Variants in DDX52 observed in about 807,000 individuals in gnomAD.
DDX52 encodes probable ATP-dependent RNA helicase DDX52.
DDX52 carries 59 observed loss-of-function variants against 76.1 expected under a neutral mutation model. The observed-to-expected ratio is 0.78, with a 90% CI of 0.63 to 0.96. The LOEUF is 0.96. Ranked by LOEUF, DDX52 falls within the 40% of genes least tolerant of loss-of-function variation. DDX52 has a pLI of 0.00. For synonymous variants in DDX52, 231 were observed against 244.1 expected (o/e 0.95, Z 0.50); for missense variants, 707 against 703.9 (o/e 1.00, Z -0.05).
At chr17:37,630,781 AC>A (rs1449939045) in intron 4 of DDX52, 1 of 152,308 alleles carries the variant, frequency 6.6e-6, no homozygotes, top group Non-Finnish European at 1.5e-5. Flanking sequence ...AGCTGGGATT[AC>A]AGGCACACGC....
At chr17:37,618,409 A>G (rs1224164197) in intron 13 of DDX52, 25 bp from the exon 14 acceptor site, 1 of 1,553,606 alleles carries the variant, frequency 6.4e-7, no homozygotes, top group Non-Finnish European at 8.7e-7. Context: ...GTAAAAAAGG[A>G]AAAGAATTAA....
chr17:37,617,979 G>C (rs1213078855), intron 14 of DDX52, among the ~76,000 whole-genome samples: 2 of 152,070 alleles, frequency 1.3e-5, no homozygotes, highest in African/African-American at 4.8e-5. Context: ...GCTGGGTGTG[G>C]TGGCGGGAGC....
chr17:37,632,465 CTT>C (rs1035490587), intron 3 of DDX52, among the ~76,000 whole-genome samples, 167 bp from the exon 4 acceptor site: 5 of 152,148 alleles, frequency 3.3e-5, no homozygotes, highest in African/African-American at 1.2e-4. Context: ...ATTTCATGCC[CTT>C]TCATAGAAAA....
intron 2 of DDX52, among the ~76,000 whole-genome samples, chr17:37,636,482 CTA>C (rs1170689635): frequency 1.3e-5 from 2 of 152,098 alleles, no homozygotes; most frequent in Non-Finnish European, 2.9e-5. Flanking sequence ...TATGAAGAAA[CTA>C]TGCAAAAATT....
At chr17:37,619,622 G>A (rs2029972128) in intron 13 of DDX52, 146 bp downstream of exon 13, 1 of 633,366 alleles carries the variant, frequency 1.6e-6, no homozygotes, top group Non-Finnish European at 2.7e-6. Context: ...TGAGGCAGGA[G>A]GATCACTTGA....
Position 37,643,434 on chromosome 17 carries a change from G to A in DDX52, c.-14C>T, listed in dbSNP as rs375392614. On this transcript the variant is annotated 5_prime_UTR_variant, in exon 1 of 15. Coordinates refer to ENST00000617633, the MANE Select transcript of DDX52 (RefSeq NM_007010.5). ...GTGGACGTCCATCTTTACCCAGAAAGCGCCACAGTTCTACGGCGCCTGCGC... is the reference window on the plus strand; with the variant it reads ...GTGGACGTCCATCTTTACCCAGAAAACGCCACAGTTCTACGGCGCCTGCGC... The A allele has an allele frequency of 8.7e-6, 14 of 1,613,378 alleles. No individual in the cohort carries two copies. In the African/African-American group the frequency reaches 1.2e-4, roughly 14 times the overall value.
intron 2 of DDX52, among the ~76,000 whole-genome samples, chr17:37,636,990 G>C (rs182544009): frequency 6.6e-6 from 1 of 151,932 alleles, no homozygotes; most frequent in Non-Finnish European, 1.5e-5. Flanking sequence ...TTCAAGATAG[G>C]GTTTTGTTCT....
chr17:37,643,138 T>C, intron 1 of DDX52, 196 bp downstream of exon 1: 1 of 524,324 alleles, frequency 1.9e-6, no homozygotes, highest in East Asian at 3.3e-5. Context: ...AACAGGATAG[T>C]TAAAGAGCTT....
chr17:37,619,682 A>C, intron 13 of DDX52, 86 bp downstream of exon 13: 1 of 1,195,892 alleles, frequency 8.4e-7, no homozygotes, highest in Non-Finnish European at 1.2e-6. Context: ...ACTGCACTGC[A>C]GTCTGGGCAA....
At position 37,642,147 on chromosome 17, in the gene DDX52, C is replaced by A; in HGVS notation, c.249G>T (p.Arg83Ser). 1 of 1,613,918 alleles carries A rather than the reference C, an allele frequency of 6.2e-7. No individual in the cohort carries two copies. ...TCTTCCTTTTTTTCTTGCTCTGCTCCCTCTTCCTTTCAGTTAGGCTCTCTT... is the reference window on the plus strand; with the variant it reads ...TCTTCCTTTTTTTCTTGCTCTGCTCACTCTTCCTTTCAGTTAGGCTCTCTT... ...KKEESLTERK[R>S]EQSKKKRKTM... is the part of the protein sequence containing the mutation. Residue 83 changes from arginine to serine, a missense_variant, in exon 2 of 15, where the codon AGG becomes AGT. By Grantham distance (110) the Arg-to-Ser change is moderately radical. Transcript: ENST00000617633.
At chr17:37,617,805 A>AT (rs2147335706) in intron 14 of DDX52, among the ~76,000 whole-genome samples, 1 of 152,344 alleles carries the variant, frequency 6.6e-6, no homozygotes, top group East Asian at 1.9e-4. Context: ...TCATCAACAT[A>AT]TTGGTACAGA....
intron 8 of DDX52, 31 bp downstream of exon 8, chr17:37,625,863 CA>C: frequency 6.2e-7 from 1 of 1,608,972 alleles, no homozygotes; most frequent in Non-Finnish European, 8.5e-7. Context: ...AAAAAAAAAT[CA>C]GTGTGATAAT....
rs747344607 is a variant in DDX52, at chr17:37,628,620, A to G, written c.800T>C (p.Met267Thr). ...GGCTGCCACTGCTGCTTTGTGGATC[A>G]TGTGTATTCTGAATCCTGTTCCCTC... ...ISEGTGFRIHMIHKAAVAAKK... is the reference protein window; with the variant it reads ...ISEGTGFRIHTIHKAAVAAKK... Residue 267 changes from methionine (M) to threonine (T), a missense_variant, in exon 6 of 15, where the codon ATG becomes ACG. Coordinates refer to ENST00000617633, the MANE Select transcript of DDX52 (RefSeq NM_007010.5). The G allele has an allele frequency of 1.2e-6, 2 of 1,611,070 alleles. No individual in the cohort carries two copies. Among genetic ancestry groups the G allele is most frequent in the South Asian group, 1.1e-5 (1 of 89,914 alleles).
intron 2 of DDX52, among the ~76,000 whole-genome samples, chr17:37,639,047 C>T (rs1250840011): frequency 6.6e-6 from 1 of 152,008 alleles, no homozygotes; most frequent in Non-Finnish European, 1.5e-5. Flanking sequence ...GTTGGGATTA[C>T]AGAAGTGAGC....
chr17:37,617,468 TA>T (rs1289545707), intron 14 of DDX52, among the ~76,000 whole-genome samples: 1 of 152,244 alleles, frequency 6.6e-6, no homozygotes, highest in Non-Finnish European at 1.5e-5. Flanking sequence ...TAAAGCTTCC[TA>T]GTATTACTGG....
intron 2 of DDX52, among the ~76,000 whole-genome samples, chr17:37,635,838 T>C (rs946057870): frequency 6.6e-6 from 1 of 152,224 alleles, no homozygotes; most frequent in Non-Finnish European, 1.5e-5. Flanking sequence ...CTTGTTTCTG[T>C]ACATCCTTGC....
rs1386756694 is a variant in DDX52, at chr17:37,611,463, CTAAG to C, written c.*2829_*2832del. On this transcript the variant is annotated 3_prime_UTR_variant, in exon 15 of 15. Coordinates refer to ENST00000617633, the MANE Select transcript of DDX52 (RefSeq NM_007010.5). ...TACAGCTGTACATTTGCATTTTAGGCTAAGTGTTATGACAAGAATCAAAAAAGTT... is the reference window on the plus strand; with the variant it reads ...TACAGCTGTACATTTGCATTTTAGGCTGTTATGACAAGAATCAAAAAAGTT... The C allele has an allele frequency of 1.3e-5, 2 of 152,058 alleles. No homozygotes were observed. The highest frequency in any genetic ancestry group is 2.4e-5 in the African/African-American group (1 of 41,406). 9.4% of individuals were successfully genotyped at this position (152,058 alleles called of 1,614,324 possible). A position where few individuals can be genotyped will look rare whatever the true frequency, so the allele number is the denominator to read the frequency against.
intron 7 of DDX52, 76 bp from the exon 8 acceptor site, chr17:37,626,174 G>C: frequency 2.0e-6 from 3 of 1,475,282 alleles, no homozygotes; most frequent in Non-Finnish European, 2.8e-6. Context: ...GGGGACAGTG[G>C]ACACATGAGG....
intron 4 of DDX52, chr17:37,631,272 A>ACAACAATT (rs2030669618): frequency 6.6e-6 from 1 of 152,266 alleles, no homozygotes; most frequent in Non-Finnish European, 1.5e-5. Context: ...AAATTGTGGT[A>ACAACAATT]TATTCATACA....
Sources: gnomAD v4.1 joint callset for allele counts (sites outside exome capture counted in the v4.1 genomes callset) on GRCh38, gnomAD v4.1.1 for gene constraint, MANE v1.5 for transcripts, NCBI Gene and HGNC (gene_info 2026-07-23, HGNC 2026-07-21) for gene names.